The following ATP12A variants were observed in gnomAD, a reference collection of about 807,000 sequenced individuals.
ATP12A encodes the protein potassium-transporting ATPase alpha chain 2.
ATP12A carries 81 observed loss-of-function variants against 111.2 expected under a neutral mutation model. That is an observed-to-expected ratio of 0.73 (90% CI 0.61 to 0.88). The LOEUF (loss-of-function observed/expected upper bound fraction) is 0.88. Ranked by LOEUF, ATP12A falls within the 40% of genes least tolerant of loss-of-function variation. The pLI is 0.00. For missense variants in ATP12A, 1,196 were observed against 1,313.1 expected, an observed-to-expected ratio of 0.91 and a Z score of 1.38; for synonymous variants, 498 against 499.8, an observed-to-expected ratio of 1.00 and a Z score of 0.05.
chr13:24,708,148 G>A (rs1171889792), intron 17 of ATP12A, among the ~76,000 whole-genome samples: 1 of 152,174 alleles, frequency 6.6e-6, no homozygotes, highest in Admixed American at 6.5e-5. Flanking sequence ...AAGAGAGTCT[G>A]ACATGGAAGA....
Position 24,706,888 on chromosome 13 carries a change from C to A in ATP12A, c.2170-135C>A, listed in dbSNP as rs1399381471. ...TAAGATTTCTCATCTTTATCTTTTC[C>A]CCTAAATGGGCCTTTCCGTTCAGCT... On this transcript the variant is annotated intron_variant, in intron 15 of 22. Transcript: ENST00000381946. 6 of 958,120 alleles carry A rather than the reference C, an allele frequency of 6.3e-6. No homozygotes were observed. In the East Asian group the frequency reaches 1.3e-4, roughly 21 times the overall value. 59.4% of individuals were successfully genotyped at this position (958,120 alleles called of 1,614,324 possible).
In ATP12A at chr13:24,700,833, C is replaced by A. The variant is rs1875361963; in HGVS notation, c.1792C>A (p.Leu598Ile). The change falls in exon 13 of 23, where the codon CTC (leucine) becomes ATC (isoleucine). Residue 598 changes from leucine to isoleucine, a missense_variant. Around this residue, in one of 3 missense-constraint regions of ATP12A, gnomAD observed 1,126 missense variants for 1,228.5 expected, o/e 0.92. Transcript: ENST00000381946. ...CGCTATGAACTTTCCGACCTCCAAC[C>A]TCTGTTTTGTGGGACTCTTGTCAAT... is the stretch of plus-strand genomic sequence containing the variant. Reference protein sequence around the residue: ...IDAMNFPTSNLCFVGLLSMID... With the variant: ...IDAMNFPTSNICFVGLLSMID... The A allele has an allele frequency of 6.2e-7, 1 of 1,614,012 alleles. No individual in the cohort carries two copies. Among genetic ancestry groups the A allele is most frequent in the Non-Finnish European group, 8.5e-7 (1 of 1,180,030 alleles).
rs1875696149 is a variant in ATP12A, at chr13:24,707,098, A to G, written c.2245A>G (p.Met749Val). 2.5e-6 allele frequency: 4 copies of G among 1,614,002 alleles called. No individual in the cohort carries two copies. The highest frequency in any genetic ancestry group is 1.1e-5 in the South Asian group (1 of 91,082). Reference protein sequence around the residue: ...ALKKADIGIAMGIAGSDAAKN... With the variant: ...ALKKADIGIAVGIAGSDAAKN... ...AAAGAAGGCAGACATTGGGATTGCC[A>G]TGGGGATAGCAGGTTCTGATGCAGC... is the stretch of plus-strand genomic sequence containing the variant. The change falls in exon 16 of 23, where the codon ATG becomes GTG. Residue 749 changes from methionine to valine, a missense_variant. By Grantham distance (21) the Met-to-Val change is conservative. Around this residue, in one of 3 missense-constraint regions of ATP12A, gnomAD observed 1,126 missense variants for 1,228.5 expected, o/e 0.92. Transcript: ENST00000381946.
At chr13:24,690,246 GC>G in intron 5 of ATP12A, 91 bp from the exon 6 acceptor site, 2 of 1,544,612 alleles carry the variant, frequency 1.3e-6, no homozygotes, top group Non-Finnish European at 1.7e-6. Context: ...AAGTTCCAAG[GC>G]CTCTGTCCTG....
In ATP12A at chr13:24,691,146, TTCA is replaced by T. The variant is rs1473087432; in HGVS notation, c.970_972del (p.Ile324del). ...GGCTGTCTCCATCGGCATCCTTTTC[TTCA>T]TCATCGCTGTGTCCCTGAAGTATCA... On this transcript the variant is annotated inframe_deletion, in exon 8 of 23. Coordinates refer to ENST00000381946, the MANE Select transcript of ATP12A (RefSeq NM_001676.7). 1 of 1,614,074 alleles carries T rather than the reference TTCA, an allele frequency of 6.2e-7. No homozygotes were observed. Among genetic ancestry groups the T allele is most frequent in the East Asian group, 2.2e-5 (1 of 44,890 alleles).
chr13:24,681,088 T>C (rs145373172), intron 1 of ATP12A, among the ~76,000 whole-genome samples: 3 of 152,274 alleles, frequency 2.0e-5, no homozygotes, highest in African/African-American at 7.2e-5. Flanking sequence ...TGAAAAGACT[T>C]CCGGTTAGGG....
intron 4 of ATP12A, 34 bp downstream of exon 4, chr13:24,688,556 T>C: frequency 6.7e-7 from 1 of 1,493,914 alleles, no homozygotes; most frequent in South Asian, 1.5e-5. Flanking sequence ...CTGGTTTTGC[T>C]GGCAGAGCCA....
intron 11 of ATP12A, among the ~76,000 whole-genome samples, chr13:24,695,855 C>G (rs1048003265): frequency 6.6e-6 from 1 of 152,078 alleles, no homozygotes; most frequent in African/African-American, 2.4e-5. Flanking sequence ...GTGATCTATC[C>G]GCCTTGGCCT....
At chr13:24,691,319 C>T in intron 8 of ATP12A, 69 bp downstream of exon 8, 10 of 1,511,738 alleles carry the variant, frequency 6.6e-6, no homozygotes, top group Non-Finnish European at 8.8e-6. Context: ...GGGAGGCGCC[C>T]ACACAAACTG....
rs1437898304 is a variant in ATP12A at position 24,682,148 on chromosome 13, GGT to G, written c.168+438_168+439del. 9.0e-5 allele frequency among the ~76,000 whole-genome samples: 10 copies of G among 110,602 alleles called. 1 individual carries two copies. Among genetic ancestry groups the G allele is most frequent in the Non-Finnish European group, 1.5e-4 (8 of 52,394 alleles). 72.6% of individuals were successfully genotyped at this position (110,602 alleles called of 152,430 possible). A position where few individuals can be genotyped will look rare whatever the true frequency, so the allele number is the denominator to read the frequency against. ...GTGTGTGTGGTGTGTATATGTGTGT[GGT>G]GTGTGTGTGGTGTGTGTATGTGTGT... is the stretch of plus-strand genomic sequence containing the variant. On this transcript the variant is annotated intron_variant, in intron 2 of 22. Coordinates refer to ENST00000381946, the MANE Select transcript of ATP12A (RefSeq NM_001676.7).
chr13:24,708,956 A>AGAAG (rs1166321213), intron 17 of ATP12A, among the ~76,000 whole-genome samples: 9 of 135,118 alleles, frequency 6.7e-5, no homozygotes, highest in Non-Finnish European at 1.2e-4. Flanking sequence ...AAAGAAAGAA[A>AGAAG]GAAAGAAGGA....
chr13:24,687,787 C>T (rs1275783356), intron 3 of ATP12A, among the ~76,000 whole-genome samples: 1 of 152,236 alleles, frequency 6.6e-6, no homozygotes, highest in Admixed American at 6.5e-5. Context: ...CCAGAAGCTT[C>T]CCTATTTCCT....
chr13:24,710,131 G>A (rs1875898426), intron 19 of ATP12A, among the ~76,000 whole-genome samples: 1 of 152,222 alleles, frequency 6.6e-6, no homozygotes, highest in Non-Finnish European at 1.5e-5. Context: ...CAGGCCGGGT[G>A]CAGTGGCTAA....
intron 14 of ATP12A, among the ~76,000 whole-genome samples, chr13:24,702,808 C>T (rs1028598991): frequency 3.3e-5 from 5 of 152,164 alleles, no homozygotes; most frequent in African/African-American, 1.2e-4. Context: ...AATGATGTGG[C>T]CAGTGTAATG....
chr13:24,682,180 T>TGTG (rs1874494946), intron 2 of ATP12A, among the ~76,000 whole-genome samples: 3 of 132,466 alleles, frequency 2.3e-5, no homozygotes, highest in Non-Finnish European at 3.2e-5. Context: ...GTGTGTGGTG[T>TGTG]GTGTATGTGT....
At chr13:24,682,146 G>T (rs62648238) in intron 2 of ATP12A, among the ~76,000 whole-genome samples, 4 of 116,032 alleles carry the variant, frequency 3.4e-5, no homozygotes, top group African/African-American at 1.4e-4. Context: ...GTATATGTGT[G>T]TGGTGTGTGT....
chr13:24,701,002 T>C lies in ATP12A; in HGVS notation c.1881+80T>C. 11 of 1,501,482 alleles carry C rather than the reference T, an allele frequency of 7.3e-6. No homozygotes were observed. In the South Asian group the frequency reaches 1.4e-4, roughly 19 times the overall value. The allele number at this position is 1,501,482 out of a possible 1,614,324, so 93.0% of individuals were successfully genotyped here. ...TAATAATGGTTTTCATAGCAGATGG[T>C]CAGTATTTAGGTGTCTTCAAGTAAA... On this transcript the variant is annotated intron_variant, in intron 13 of 22. Transcript: ENST00000381946.
chr13:24,691,178 C>A lies in ATP12A; in HGVS notation c.996C>A (p.Val332=), dbSNP rs1874888238. Residue 332 remains valine (V), a synonymous_variant, in exon 8 of 23, where the codon GTC becomes GTA. Transcript: ENST00000381946. ...FIIAVSLKYQ[V]LDSIIFLIGI... ...TCGCTGTGTCCCTGAAGTATCAAGT[C>A]CTGGACTCCATCATCTTCCTCATTG... is the stretch of plus-strand genomic sequence containing the variant. The A allele has an allele frequency of 1.2e-6, 2 of 1,614,148 alleles. No homozygotes were observed. Among genetic ancestry groups the A allele is most frequent in the Non-Finnish European group, 1.7e-6 (2 of 1,180,038 alleles).
intron 8 of ATP12A, among the ~76,000 whole-genome samples, chr13:24,691,985 T>C (rs1323599599): frequency 1.3e-5 from 2 of 152,144 alleles, no homozygotes; most frequent in Non-Finnish European, 2.9e-5. Context: ...AATATGGAGC[T>C]TTTAAAATGA....
Sources: allele counts gnomAD v4.1 joint callset (sites outside exome capture counted in the v4.1 genomes callset), GRCh38; gene constraint gnomAD v4.1.1; regional missense constraint gnomAD v4.1.1; transcripts MANE v1.5; gene names NCBI Gene and HGNC (gene_info 2026-07-23, HGNC 2026-07-21).